Variants in RNF150 observed in about 807,000 individuals in gnomAD.
RNF150 encodes ring finger protein 150.
RNF150 carries 24 observed loss-of-function variants against 39.3 expected under a neutral mutation model. The ratio of observed to expected loss-of-function variants is 0.61; its 90% CI spans 0.44 to 0.86. The LOEUF (loss-of-function observed/expected upper bound fraction) is 0.86, where lower values mean the gene tolerates loss of function less well. RNF150 is among the 40% of genes least tolerant of loss of function. The pLI is 0.00. For synonymous variants in RNF150, 255 were observed against 227.3 expected (o/e 1.12, Z -1.10); for missense variants, 502 against 587.8 (o/e 0.85, Z 1.51).
At chr4:141,036,439 A>C (rs1226097316) in intron 1 of RNF150, among the ~76,000 whole-genome samples, 1 of 152,204 alleles carries the variant, frequency 6.6e-6, no homozygotes, top group Non-Finnish European at 1.5e-5. Flanking sequence ...AGTGTGCAGC[A>C]TAGTAGTGCT....
In RNF150 at chr4:141,087,018, C is replaced by T. The variant is rs1197199672; in HGVS notation, c.484+45307G>A. Among the ~76,000 whole-genome samples the T allele has an allele frequency of 3.3e-5, 5 of 151,874 alleles. No individual in the cohort carries two copies. In the South Asian group the frequency reaches 8.3e-4, roughly 25 times the overall value. On this transcript the variant is annotated intron_variant, in intron 1 of 6. Transcript: ENST00000515673. ...ATTTTTTATTTTAGGCTTGGAGGTA[C>T]ATGTGAAAGTTTTTTACATAGATAA... is the stretch of plus-strand genomic sequence containing the variant.
At chr4:140,922,334 CAGAG>C (rs986698472) in intron 5 of RNF150, among the ~76,000 whole-genome samples, 21 of 148,436 alleles carry the variant, frequency 1.4e-4, no homozygotes, top group African/African-American at 5.2e-4. Context: ...AAGAGACAAA[CAGAG>C]AGGCAAATCA....
At chr4:140,986,318 CT>C (rs1734014107) in intron 1 of RNF150, among the ~76,000 whole-genome samples, 1 of 152,062 alleles carries the variant, frequency 6.6e-6, no homozygotes, top group Non-Finnish European at 1.5e-5. Flanking sequence ...TCATTTACTC[CT>C]TCATTTTACA....
Position 141,171,004 on chromosome 4 carries a change from G to A in RNF150, c.-6+41790C>T, listed in dbSNP as rs569477481. On this transcript the variant is annotated intron_variant, in intron 1 of 7. Coordinates refer to the RNF150 transcript ENST00000420921. ...AAGCTGAGAACACAAAGAGGAATACGAGATAATCTTTCTCCAAGGAAATCA... is the reference window on the plus strand; with the variant it reads ...AAGCTGAGAACACAAAGAGGAATACAAGATAATCTTTCTCCAAGGAAATCA... Among the ~76,000 whole-genome samples the A allele has an allele frequency of 9.2e-5, 14 of 152,152 alleles. No homozygotes were observed. In the East Asian group the frequency reaches 1.2e-3, roughly 13 times the overall value.
chr4:141,121,580 T>C (rs946459433), intron 1 of RNF150, among the ~76,000 whole-genome samples: 2 of 152,170 alleles, frequency 1.3e-5, no homozygotes, highest in Non-Finnish European at 2.9e-5. Context: ...TTCTGACTCA[T>C]TATCGTATTA....
chr4:141,174,221 T>C (rs1727772848), intron 1 of RNF150, among the ~76,000 whole-genome samples: 1 of 152,202 alleles, frequency 6.6e-6, no homozygotes, highest in South Asian at 2.1e-4. Context: ...CTGAGACATC[T>C]CCCAGTTCCC....
At chr4:140,975,173 T>G (rs1207049581) in intron 1 of RNF150, among the ~76,000 whole-genome samples, 1 of 152,130 alleles carries the variant, frequency 6.6e-6, no homozygotes, top group East Asian at 1.9e-4. Flanking sequence ...GGAGGATGAC[T>G]TGAGCCTGGT....
intron 5 of RNF150, among the ~76,000 whole-genome samples, chr4:140,912,280 T>G (rs762270488): frequency 2.6e-5 from 4 of 152,262 alleles, no homozygotes; most frequent in Non-Finnish European, 5.9e-5. Flanking sequence ...TCAGTTGTTC[T>G]GTCTCTACAC....
intron 1 of RNF150, among the ~76,000 whole-genome samples, chr4:141,032,160 A>G (rs1265554710): frequency 6.6e-6 from 1 of 152,120 alleles, no homozygotes; most frequent in Non-Finnish European, 1.5e-5. Context: ...CCTGGAAGAC[A>G]TAACACTAAG....
chr4:141,026,968 C>A (rs1735721148), intron 1 of RNF150, among the ~76,000 whole-genome samples: 1 of 152,136 alleles, frequency 6.6e-6, no homozygotes, highest in African/African-American at 2.4e-5. Flanking sequence ...GATGTGGCCA[C>A]ATGAAGCTAT....
chr4:141,176,768 G>C (rs2111181118), intron 1 of RNF150, among the ~76,000 whole-genome samples: 1 of 152,108 alleles, frequency 6.6e-6, no homozygotes, highest in African/African-American at 2.4e-5. Flanking sequence ...TTTAATTTCA[G>C]TCAAAGATTA....
At chr4:141,067,322 G>C (rs557208332) in intron 1 of RNF150, among the ~76,000 whole-genome samples, 23 of 152,288 alleles carry the variant, frequency 1.5e-4, no homozygotes, top group Admixed American at 8.5e-4. Context: ...TTTTTCTTCA[G>C]AGAGAAAGCA....
intron 6 of RNF150, among the ~76,000 whole-genome samples, chr4:140,874,100 GT>G (rs1340956148): frequency 7.9e-5 from 12 of 152,224 alleles, no homozygotes; most frequent in Admixed American, 5.9e-4. Flanking sequence ...CAGTGGTGGG[GT>G]TTATTAATTC....
At position 141,023,809 on chromosome 4, in the gene RNF150, T is replaced by G. The variant is rs17006789; in HGVS notation, c.485-55936A>C. On this transcript the variant is annotated intron_variant, in intron 1 of 6. Coordinates refer to ENST00000515673, the MANE Select transcript of RNF150 (RefSeq NM_020724.2). ...ACAAACTTCACGGTGCTTTCCTACC[T>G]TCTTTATTTGTTTACTCTCTTCTCT... Among the ~76,000 whole-genome samples, 743 of 152,290 alleles carry G rather than the reference T, an allele frequency of 4.9e-3. 4 individuals are homozygous for G. The highest frequency in any genetic ancestry group is 0.017 in the African/African-American group (716 of 41,562).
intron 6 of RNF150, among the ~76,000 whole-genome samples, chr4:140,898,255 C>T (rs1285121921): frequency 6.8e-6 from 1 of 146,628 alleles, no homozygotes; most frequent in African/African-American, 2.5e-5. Context: ...CTTAGGTTCA[C>T]TTAACAAAAA....
rs1013041033 is a variant in RNF150, at chr4:141,012,668, A to G, written c.485-44795T>C. Among the ~76,000 whole-genome samples, 9 of 150,264 alleles carry G rather than the reference A, an allele frequency of 6.0e-5. No homozygotes were observed. The Admixed American group carries it at 6.1e-4, about 10-fold the overall frequency. On this transcript the variant is annotated intron_variant, in intron 1 of 6. Coordinates refer to ENST00000515673, the MANE Select transcript of RNF150 (RefSeq NM_020724.2). ...AGTGGTGGCACGTGCCTGTAGTGACAGCTACTCAGGAAGCTGAGGCAGGAG... is the reference window on the plus strand; with the variant it reads ...AGTGGTGGCACGTGCCTGTAGTGACGGCTACTCAGGAAGCTGAGGCAGGAG...
intron 1 of RNF150, among the ~76,000 whole-genome samples, chr4:141,032,049 T>C (rs944571284): frequency 6.6e-6 from 1 of 151,396 alleles, no homozygotes; most frequent in Non-Finnish European, 1.5e-5. Context: ...TATATAAACA[T>C]ATATATACAC....
At chr4:141,078,924 TACATATATATACACAC>T (rs1019689393) in intron 1 of RNF150, among the ~76,000 whole-genome samples, 9 of 145,488 alleles carry the variant, frequency 6.2e-5, no homozygotes, top group African/African-American at 1.9e-4. Context: ...CACATATATA[TACATATATATACACAC>T]ACATATATAT....
At chr4:141,010,874 CTT>C (rs761417091) in intron 1 of RNF150, among the ~76,000 whole-genome samples, 222 of 152,248 alleles carry the variant, frequency 1.5e-3, no homozygotes, top group Admixed American at 4.3e-3. Context: ...GGGCTCCTCT[CTT>C]GTCTCATAGA....
Sources: gnomAD v4.1 joint callset for allele counts (sites outside exome capture counted in the v4.1 genomes callset) on GRCh38, gnomAD v4.1.1 for gene constraint, MANE v1.5 for transcripts, NCBI Gene and HGNC (gene_info 2026-07-23, HGNC 2026-07-21) for gene names.